Variants in GPR55 observed in about 807,000 individuals in gnomAD.
GPR55 encodes the protein G protein-coupled receptor 55.
GPR55 carries 6 observed loss-of-function variants against 7.9 expected under a neutral mutation model. The observed-to-expected ratio is 0.76, with a 90% CI of 0.41 to 1.49. GPR55 has a LOEUF of 1.49. GPR55 is among the 40% of genes most tolerant of loss of function. The probability of loss-of-function intolerance (pLI) is 0.01; values close to 1 mark genes in which losing one functional copy is unlikely to be tolerated. For synonymous variants in GPR55, 183 were observed against 166.8 expected (o/e 1.10, Z -0.75); for missense variants, 376 against 406.0 (o/e 0.93, Z 0.63).
At chr2:230,955,888 G>A (rs1481980104) in intron 1 of GPR55, among the ~76,000 whole-genome samples, 6 of 151,998 alleles carry the variant, frequency 3.9e-5, no homozygotes, top group Admixed American at 6.6e-5. Flanking sequence ...CACCACATCT[G>A]GCTAATTTTA....
chr2:230,931,594 T>G (rs1450079945), intron 1 of GPR55, among the ~76,000 whole-genome samples: 1 of 152,178 alleles, frequency 6.6e-6, no homozygotes, highest in African/African-American at 2.4e-5. Context: ...ACTCGCCTGA[T>G]AAGCCCACTT....
chr2:230,941,415 GC>G (rs1691231383), intron 1 of GPR55, among the ~76,000 whole-genome samples: 1 of 152,182 alleles, frequency 6.6e-6, no homozygotes, highest in Non-Finnish European at 1.5e-5. Context: ...TGGGGGGCCT[GC>G]CCCCGCTCCC....
chr2:230,934,669 G>A (rs773765768), intron 1 of GPR55, among the ~76,000 whole-genome samples: 55 of 152,182 alleles, frequency 3.6e-4, no homozygotes, highest in African/African-American at 1.1e-3. Flanking sequence ...CGGACGCCTC[G>A]GGGTGGCCCT....
At chr2:230,938,601 G>T (rs1691170192) in intron 1 of GPR55, among the ~76,000 whole-genome samples, 1 of 152,208 alleles carries the variant, frequency 6.6e-6, no homozygotes, top group African/African-American at 2.4e-5. Context: ...GAGAATAAAT[G>T]AAGATCCCAG....
rs994056173 is a variant in GPR55, at chr2:230,910,073, A to G, written c.890T>C (p.Met297Thr). Residue 297 changes from methionine to threonine, a missense_variant, in exon 2 of 2, where the codon ATG becomes ACG. Met to Thr is a moderately conservative substitution (Grantham distance 81). Coordinates refer to ENST00000650999, the MANE Select transcript of GPR55 (RefSeq NM_005683.4). This position sits in a 1 kb window ranked among gnomAD's most constrained non-coding sequence, Gnocchi z 5.4. ...CYYFVIKEFR[M>T]NIRAHRPSRV... ...GGAAGGCCGGTGGGCCCTGATGTTC[A>G]TGCGGAATTCTTTGATGACAAAGTA... 3.1e-6 allele frequency: 5 copies of G among 1,614,000 alleles called. No homozygotes were observed. The highest frequency in any genetic ancestry group is 4.2e-6 in the Non-Finnish European group (5 of 1,179,988).
intron 1 of GPR55, chr2:230,957,478 G>A (rs539807348): frequency 2.5e-5 from 9 of 353,730 alleles, no homozygotes; most frequent in African/African-American, 1.7e-4. Context: ...GCTCAGAACA[G>A]CGCGTGATTT....
At chr2:230,928,888 A>G (rs946245131), upstream of GPR55, among the ~76,000 whole-genome samples, 2 of 152,110 alleles carry the variant, frequency 1.3e-5, no homozygotes, top group South Asian at 2.1e-4. Context: ...ACAGACTCAA[A>G]GGGTTGAGCT....
At chr2:230,955,985 C>T (rs1691475797) in intron 1 of GPR55, among the ~76,000 whole-genome samples, 1 of 152,086 alleles carries the variant, frequency 6.6e-6, no homozygotes. Context: ...CCTCAGCCTC[C>T]CAAAGTGCTG....
chr2:230,926,151 G>A (rs1690937358), upstream of GPR55, among the ~76,000 whole-genome samples: 1 of 152,132 alleles, frequency 6.6e-6, no homozygotes, highest in Non-Finnish European at 1.5e-5. Context: ...TGGGTTTTTT[G>A]GATGATTCAT....
At chr2:230,958,083 G>T (rs999249059) in intron 1 of GPR55, 3 of 261,016 alleles carry the variant, frequency 1.1e-5, no homozygotes, top group Middle Eastern at 1.4e-3. Flanking sequence ...AATAAATAAA[G>T]AAAGAAAGGA....
intron 1 of GPR55, among the ~76,000 whole-genome samples, chr2:230,916,632 G>C (rs1044095609): frequency 1.3e-5 from 2 of 152,062 alleles, no homozygotes; most frequent in Non-Finnish European, 2.9e-5. Flanking sequence ...AGGGGGTGGG[G>C]ACAATGGAGG....
Position 230,908,030 on chromosome 2 carries a change from T to C in GPR55, c.*1973A>G, listed in dbSNP as rs1241149484. ...CCAAATGCCCCGTTGCATGTGAAAG[T>C]CTGGCTCCCTCAGAGTATCACGGGT... On this transcript the variant is annotated 3_prime_UTR_variant, in exon 2 of 2. Transcript: ENST00000650999. 2.3e-5 allele frequency: 3 copies of C among 132,044 alleles called. No individual in the cohort carries two copies. Among genetic ancestry groups the C allele is most frequent in the African/African-American group, 9.2e-5 (3 of 32,712 alleles). The allele number at this position is 132,044 out of a possible 1,614,324, so 8.2% of individuals were successfully genotyped here.
At chr2:230,938,072 A>G (rs184979790) in intron 1 of GPR55, among the ~76,000 whole-genome samples, 2 of 148,128 alleles carry the variant, frequency 1.4e-5, no homozygotes, top group East Asian at 4.1e-4. Context: ...ACTTAAGTAC[A>G]GGAGATTGAG....
intron 1 of GPR55, among the ~76,000 whole-genome samples, chr2:230,916,489 A>C (rs1217404269): frequency 1.3e-5 from 2 of 151,848 alleles, no homozygotes; most frequent in East Asian, 3.9e-4. Flanking sequence ...GTGCCACTGC[A>C]CTCCAGCCTG....
At chr2:230,932,333 C>T (rs1421945220) in intron 1 of GPR55, among the ~76,000 whole-genome samples, 9 of 152,216 alleles carry the variant, frequency 5.9e-5, no homozygotes, top group Admixed American at 3.3e-4. Context: ...AAATTACCAC[C>T]GGCTGGATGG....
intron 1 of GPR55, among the ~76,000 whole-genome samples, chr2:230,950,369 G>C (rs1474364271): frequency 6.6e-6 from 1 of 152,190 alleles, no homozygotes; most frequent in Non-Finnish European, 1.5e-5. Flanking sequence ...AGAGCAATTA[G>C]AGCAATTGGC....
chr2:230,948,072 G>A (rs1691346939), intron 1 of GPR55, among the ~76,000 whole-genome samples: 1 of 152,188 alleles, frequency 6.6e-6, no homozygotes, highest in South Asian at 2.1e-4. Context: ...CTCTCCAAGA[G>A]GTCTTGGGTG....
intron 1 of GPR55, among the ~76,000 whole-genome samples, chr2:230,917,057 C>T (rs774153577): frequency 2.6e-5 from 4 of 152,216 alleles, no homozygotes; most frequent in Non-Finnish European, 2.9e-5. Flanking sequence ...ATATTCATAA[C>T]TAGCCTTGTA....
intron 1 of GPR55, among the ~76,000 whole-genome samples, chr2:230,956,024 A>G (rs928589940): frequency 2.0e-5 from 3 of 151,740 alleles, no homozygotes; most frequent in Non-Finnish European, 4.4e-5. Context: ...ACCATGCCCA[A>G]CTACACCAGT....
Sources: gnomAD v4.1 joint callset for allele counts (sites outside exome capture counted in the v4.1 genomes callset) on GRCh38, gnomAD v4.1.1 for gene constraint, Gnocchi (gnomAD v3.1) non-coding constraint, MANE v1.5 for transcripts, NCBI Gene and HGNC (gene_info 2026-07-23, HGNC 2026-07-21) for gene names.